The following PPP1R13B variants were observed in gnomAD, a reference collection of about 807,000 sequenced individuals.
PPP1R13B encodes protein phosphatase 1 regulatory subunit 13B.
A neutral mutation model predicts 119.8 loss-of-function variants in PPP1R13B; 44 were observed. The ratio of observed to expected loss-of-function variants is 0.37; its 90% confidence interval spans 0.29 to 0.47. The LOEUF (loss-of-function observed/expected upper bound fraction) is 0.47, where lower values mean the gene tolerates loss of function less well. Ranked by LOEUF, PPP1R13B falls within the 20% of genes least tolerant of loss-of-function variation. The pLI is 0.99. For synonymous variants in PPP1R13B, 542 were observed against 561.5 expected (o/e 0.97, Z 0.49); for missense variants, 1,227 against 1,413.5 (o/e 0.87, Z 2.12).
intron 4 of PPP1R13B, among the ~76,000 whole-genome samples, chr14:103,758,413 C>T (rs909803356): frequency 1.3e-5 from 2 of 152,166 alleles, no homozygotes; most frequent in African/African-American, 4.8e-5. Flanking sequence ...ACTGTTACAT[C>T]CCTGTTTTAC....
chr14:103,791,469 A>G (rs2085619310), intron 2 of PPP1R13B, among the ~76,000 whole-genome samples: 1 of 152,218 alleles, frequency 6.6e-6, no homozygotes, highest in Admixed American at 6.5e-5. Context: ...GCTCACGCCT[A>G]TAATCCCAGC....
chr14:103,755,338 A>G (rs976337625), intron 5 of PPP1R13B, among the ~76,000 whole-genome samples: 1 of 152,246 alleles, frequency 6.6e-6, no homozygotes, highest in Non-Finnish European at 1.5e-5. Flanking sequence ...GATAAAGGTG[A>G]TCAGTAAAGA....
At chr14:103,739,777 C>T in intron 12 of PPP1R13B, 47 bp downstream of exon 12, 1 of 1,535,652 alleles carries the variant, frequency 6.5e-7, no homozygotes, top group Non-Finnish European at 8.8e-7. Context: ...GTCCTGGTTG[C>T]ATGAATGACC....
intron 4 of PPP1R13B, among the ~76,000 whole-genome samples, chr14:103,768,618 C>G (rs570374775): frequency 6.9e-6 from 1 of 144,844 alleles, no homozygotes; most frequent in Non-Finnish European, 1.5e-5. Context: ...TTTTTAGTAG[C>G]GACAGGGTTT....
At chr14:103,755,625 A>C (rs2084659096) in intron 5 of PPP1R13B, among the ~76,000 whole-genome samples, 2 of 152,166 alleles carry the variant, frequency 1.3e-5, no homozygotes, top group African/African-American at 4.8e-5. Context: ...TACATACTAC[A>C]CTCTAAGGTA....
At chr14:103,772,675 CTTTTTT>C (rs200012700) in intron 4 of PPP1R13B, among the ~76,000 whole-genome samples, 2 of 140,578 alleles carry the variant, frequency 1.4e-5, no homozygotes, top group Non-Finnish European at 3.1e-5. Flanking sequence ...GTTTCTTTTT[CTTTTTT>C]TTTTTTTTTG....
intron 1 of PPP1R13B, among the ~76,000 whole-genome samples, chr14:103,829,799 A>C (rs2086628039): frequency 6.6e-6 from 1 of 151,750 alleles, no homozygotes; most frequent in Non-Finnish European, 1.5e-5. Flanking sequence ...TTTTTTTTTT[A>C]AACGCAGTCT....
At chr14:103,784,583 CAAAAAAAAAAAAAAAAAAAAAAAA>C (rs546875688) in intron 3 of PPP1R13B, among the ~76,000 whole-genome samples, 188 bp downstream of exon 3, 2 of 60,584 alleles carry the variant, frequency 3.3e-5, no homozygotes, top group Non-Finnish European at 5.9e-5. Flanking sequence ...ACTCTGTCTC[CAAAAAAAAAAAAAAAAAAAAAAAA>C]AAAAAAAAGT....
intron 2 of PPP1R13B, among the ~76,000 whole-genome samples, chr14:103,789,932 C>G (rs2085574298): frequency 1.3e-5 from 2 of 152,070 alleles, no homozygotes; most frequent in Non-Finnish European, 2.9e-5. Context: ...GAGGAGAACT[C>G]TAGACTTATA....
intron 4 of PPP1R13B, among the ~76,000 whole-genome samples, chr14:103,774,730 T>C (rs1014495433): frequency 6.6e-6 from 1 of 152,200 alleles, no homozygotes; most frequent in African/African-American, 2.4e-5. Context: ...AGCATGTCAT[T>C]ATTCTATAAC....
At chr14:103,848,793 G>A (rs959441291), upstream of PPP1R13B, among the ~76,000 whole-genome samples, 2 of 143,772 alleles carry the variant, frequency 1.4e-5, no homozygotes, top group Admixed American at 1.3e-4. Flanking sequence ...CAGAGGCCAC[G>A]GGGGCTCGTG....
chr14:103,807,412 A>G (rs776215673), intron 1 of PPP1R13B, among the ~76,000 whole-genome samples: 18 of 152,220 alleles, frequency 1.2e-4, no homozygotes, highest in Admixed American at 4.6e-4. Flanking sequence ...GCAGAGTTTC[A>G]GTTAATTACC....
chr14:103,785,025 T>C (rs376226452), intron 2 of PPP1R13B, 111 bp from the exon 3 acceptor site: 6 of 929,716 alleles, frequency 6.5e-6, no homozygotes, highest in Middle Eastern at 2.6e-4. Flanking sequence ...TATGTCTACA[T>C]GTTACAATTC....
intron 2 of PPP1R13B, among the ~76,000 whole-genome samples, chr14:103,790,779 C>T (rs1448429905): frequency 1.3e-5 from 2 of 152,132 alleles, no homozygotes; most frequent in South Asian, 2.1e-4. Context: ...CCAAGGCAAG[C>T]GGATCACTTG....
At chr14:103,845,401 G>C (rs1189466620) in intron 1 of PPP1R13B, among the ~76,000 whole-genome samples, 1 of 152,180 alleles carries the variant, frequency 6.6e-6, no homozygotes, top group African/African-American at 2.4e-5. Context: ...GAGAGTCTAA[G>C]AGAAATACCA....
chr14:103,845,623 T>C (rs1043736109), intron 1 of PPP1R13B, among the ~76,000 whole-genome samples: 9 of 152,204 alleles, frequency 5.9e-5, no homozygotes, highest in Middle Eastern at 3.2e-3. Context: ...ATGAATCATA[T>C]GGAAAATGTA....
chr14:103,778,913 C>T (rs2085273827), intron 3 of PPP1R13B, 92 bp from the exon 4 acceptor site: 1 of 992,214 alleles, frequency 1.0e-6, no homozygotes, highest in African/African-American at 1.6e-5. Context: ...ATTTATTGAA[C>T]ACAAGTGTAA....
In PPP1R13B at chr14:103,823,221, C is replaced by T. The variant is rs186508482; in HGVS notation, c.9+24078G>A. On this transcript the variant is annotated intron_variant, in intron 1 of 16. Transcript: ENST00000202556. ...GGCGTGGTGGCGGGTGCCTGTAGGT[C>T]CCAGCTACTTGGGAGGCTGAGGCAG... Among the ~76,000 whole-genome samples the T allele has an allele frequency of 3.3e-5, 5 of 152,086 alleles. No homozygotes were observed. The East Asian group carries it at 9.7e-4, about 29-fold the overall frequency.
chr14:103,848,314 G>A (rs1395414394), upstream of PPP1R13B: 3 of 985,346 alleles, frequency 3.0e-6, no homozygotes, highest in African/African-American at 5.2e-5. Context: ...CGTCCCCGGG[G>A]AGGGTCCGGT....
Sources: gnomAD v4.1 joint callset for allele counts (sites outside exome capture counted in the v4.1 genomes callset) on GRCh38, gnomAD v4.1.1 for gene constraint, MANE v1.5 for transcripts, NCBI Gene and HGNC (gene_info 2026-07-23, HGNC 2026-07-21) for gene names.